The following CATSPER2 variants were observed in gnomAD, a reference collection of about 807,000 sequenced individuals.
CATSPER2 encodes cation channel sperm-associated protein 2.
CATSPER2 carries 56 observed loss-of-function variants against 68.8 expected under a neutral mutation model. The ratio of observed to expected loss-of-function variants is 0.81; its 90% confidence interval spans 0.66 to 1.02. CATSPER2 has a LOEUF of 1.02. Ranked by LOEUF, CATSPER2 falls within the 50% of genes least tolerant of loss-of-function variation. The pLI, the probability that CATSPER2 is intolerant of heterozygous loss-of-function variation, is 0.00. For missense variants in CATSPER2, 582 were observed against 642.0 expected (o/e 0.91, Z 1.01); for synonymous variants, 198 against 229.9 (o/e 0.86, Z 1.26).
chr15:43,637,552 C>A (rs2085985515), intron 7 of CATSPER2: 2 of 151,882 alleles, frequency 1.3e-5, no homozygotes, highest in Admixed American at 1.3e-4. Context: ...AGATTGAATT[C>A]TAATTCATAA....
Position 43,632,365 on chromosome 15 carries a change from T to A in CATSPER2, c.1397-2A>T. 1.2e-6 allele frequency: 2 copies of A among 1,613,460 alleles called. No homozygotes were observed. Among genetic ancestry groups the A allele is most frequent in the Non-Finnish European group, 1.7e-6 (2 of 1,179,806 alleles). On this transcript the variant is annotated splice_acceptor_variant, in intron 11 of 12. Transcript: ENST00000396879. LOFTEE classifies it high-confidence loss of function. ...CAAGAGTCTCCCAGTCCAAACGACC[T>A]GCAGGGAGGAATGCTTCAGAAAAGC...
At chr15:43,641,923 G>C (rs1368592767) in intron 4 of CATSPER2, among the ~76,000 whole-genome samples, 3 of 151,674 alleles carry the variant, frequency 2.0e-5, no homozygotes, top group Non-Finnish European at 2.9e-5. Flanking sequence ...GCCTCAAACT[G>C]CTGGGCTAAA....
At chr15:43,631,857 C>T (rs1266663594) in intron 12 of CATSPER2, among the ~76,000 whole-genome samples, 1 of 151,936 alleles carries the variant, frequency 6.6e-6, no homozygotes, top group African/African-American at 2.4e-5. Flanking sequence ...CGTGCAGAAA[C>T]TGGTGGGCTG....
At chr15:43,647,168 C>G (rs933561773) in intron 3 of CATSPER2, 50 bp from the exon 4 acceptor site, 1 of 1,574,800 alleles carries the variant, frequency 6.4e-7, no homozygotes, top group African/African-American at 1.3e-5. Flanking sequence ...CTGATTTATG[C>G]AGCTGAAATA....
intron 6 of CATSPER2, chr15:43,639,313 C>T (rs779319313): frequency 2.9e-5 from 13 of 455,236 alleles, no homozygotes; most frequent in South Asian, 4.4e-5. Context: ...GGCGCAGTCT[C>T]GGCTCACTGC....
intron 4 of CATSPER2, among the ~76,000 whole-genome samples, chr15:43,646,658 A>C (rs919416524): frequency 6.6e-6 from 1 of 151,438 alleles, no homozygotes. Flanking sequence ...ACATTCAAAA[A>C]TGTAAAATGA....
At chr15:43,647,801 G>T in intron 2 of CATSPER2, 116 bp downstream of exon 2, 1 of 1,186,550 alleles carries the variant, frequency 8.4e-7, no homozygotes, top group South Asian at 1.2e-5. Context: ...ACAAGCCCTT[G>T]ATTTATCAAG....
In CATSPER2 at chr15:43,628,585, G is replaced by T. The variant is rs1205617854; in HGVS notation, c.*2116C>A. 2 of 145,004 alleles carry T rather than the reference G, an allele frequency of 1.4e-5. No homozygotes were observed. Among genetic ancestry groups the T allele is most frequent in the African/African-American group, 5.4e-5 (2 of 36,936 alleles). The allele number at this position is 145,004 out of a possible 1,614,324, so 9.0% of individuals were successfully genotyped here. ...GGCCTTTTTGCCAGACATACTCTTA[G>T]GTGAGGACTTTATAATTACCACCCT... is the stretch of plus-strand genomic sequence containing the variant. On this transcript the variant is annotated 3_prime_UTR_variant, in exon 13 of 13. Transcript: ENST00000396879.
chr15:43,646,346 G>T (rs759565560), intron 4 of CATSPER2, among the ~76,000 whole-genome samples: 1 of 150,606 alleles, frequency 6.6e-6, no homozygotes, highest in Non-Finnish European at 1.5e-5. Flanking sequence ...CTGCAACCTC[G>T]GCTTCCCACG....
chr15:43,635,934 T>C, intron 8 of CATSPER2, 107 bp downstream of exon 8: 1 of 1,236,040 alleles, frequency 8.1e-7, no homozygotes, highest in Admixed American at 2.0e-5. Flanking sequence ...ACCCAAGCCT[T>C]CCTGCTACAC....
At chr15:43,632,153 C>A (rs1567124908) in intron 12 of CATSPER2, 46 bp downstream of exon 12, 2 of 1,587,114 alleles carry the variant, frequency 1.3e-6, no homozygotes, top group South Asian at 1.1e-5. Flanking sequence ...GCTATAAACG[C>A]TATATATATA....
rs1329597579 is a variant in CATSPER2, at chr15:43,647,901, G to A, written c.145+16C>T. ...GGAGTCTTAAATTTAAATTAGTGAA[G>A]AAATAGGCTGCTGACCAAGTAACTC... On this transcript the variant is annotated intron_variant, in intron 2 of 12. Transcript: ENST00000396879. The A allele has an allele frequency of 4.3e-6, 7 of 1,612,790 alleles. No individual in the cohort carries two copies. Among genetic ancestry groups the A allele is most frequent in the East Asian group, 2.2e-5 (1 of 44,850 alleles).
At position 43,639,954 on chromosome 15, in the gene CATSPER2, T is replaced by G; in HGVS notation, c.562-156A>C. The G allele has an allele frequency of 3.9e-6, 6 of 1,524,654 alleles. No individual in the cohort carries two copies. The South Asian group carries it at 7.4e-5, about 19-fold the overall frequency. The allele number at this position is 1,524,654 out of a possible 1,614,324, so 94.4% of individuals were successfully genotyped here. ...TACTATTCAGCCTTTCTATATTAAG[T>G]TGCTTAAACACTATACTTAAACTTG... On this transcript the variant is annotated intron_variant, in intron 5 of 12. Coordinates refer to ENST00000396879, the MANE Select transcript of CATSPER2 (RefSeq NM_172095.4).
Position 43,639,814 on chromosome 15 carries a change from A to G in CATSPER2, c.562-16T>C. The G allele has an allele frequency of 6.2e-7, 1 of 1,611,048 alleles. No homozygotes were observed. The highest frequency in any genetic ancestry group is 1.1e-5 in the South Asian group (1 of 90,874). ...GAAGCAGGGACTGTGGAAAACACAC[A>G]GGTTATAAGTAAAATACACCCCAAG... is the stretch of plus-strand genomic sequence containing the variant. On this transcript the variant is annotated splice_polypyrimidine_tract_variant and intron_variant, in intron 5 of 12. Transcript: ENST00000396879.
intron 10 of CATSPER2, 105 bp from the exon 11 acceptor site, chr15:43,633,039 C>T (rs2085903697): frequency 1.2e-6 from 1 of 850,134 alleles, no homozygotes; most frequent in Non-Finnish European, 1.8e-6. Context: ...GGGCATAAGA[C>T]AATGAGGGCC....
At position 43,638,811 on chromosome 15, in the gene CATSPER2, A is replaced by G. The variant is rs1595977195; in HGVS notation, c.842+93T>C. 1.8e-5 allele frequency: 26 copies of G among 1,451,044 alleles called. No homozygotes were observed. The East Asian group carries it at 6.0e-4, about 33-fold the overall frequency. 89.9% of individuals were successfully genotyped at this position (1,451,044 alleles called of 1,614,324 possible). ...GTTCTATTTCAGTTTCTTGGAATAG[A>G]CTGCACTTTTTATATTACTATACTT... On this transcript the variant is annotated intron_variant, in intron 7 of 12. Coordinates refer to ENST00000396879, the MANE Select transcript of CATSPER2 (RefSeq NM_172095.4).
intron 10 of CATSPER2, chr15:43,633,839 C>G (rs2085918853): frequency 6.6e-6 from 1 of 151,796 alleles, no homozygotes; most frequent in South Asian, 2.1e-4. Flanking sequence ...CACCTGCAGT[C>G]CCAGCTACTT....
At chr15:43,647,200 G>A (rs1183724568) in intron 3 of CATSPER2, 82 bp from the exon 4 acceptor site, 10 of 1,563,860 alleles carry the variant, frequency 6.4e-6, no homozygotes, top group Admixed American at 1.7e-5. Context: ...AACATAAGCA[G>A]TGAAAATGAG....
intron 7 of CATSPER2, among the ~76,000 whole-genome samples, chr15:43,636,985 G>A (rs979547721): frequency 1.4e-4 from 21 of 151,418 alleles, no homozygotes; most frequent in Non-Finnish European, 1.3e-4. Context: ...ACCATGCCCA[G>A]CTAATTTTCA....
Sources: allele counts gnomAD v4.1 joint callset (sites outside exome capture counted in the v4.1 genomes callset), GRCh38; gene constraint gnomAD v4.1.1; transcripts MANE v1.5; gene names NCBI Gene and HGNC (gene_info 2026-07-23, HGNC 2026-07-21).